KLF8: variants seen among roughly 807,000 people sequenced by gnomAD.
KLF8 encodes KLF transcription factor 8, also known as Krueppel-like factor 8.
A neutral mutation model predicts 18.2 loss-of-function variants in KLF8; 10 were observed. The ratio of observed to expected loss-of-function variants is 0.55; its 90% confidence interval spans 0.34 to 0.93. The LOEUF (loss-of-function observed/expected upper bound fraction) is 0.93. KLF8 is among the 40% of genes least tolerant of loss of function. The pLI is 0.02. For missense variants in KLF8, 264 were observed against 277.9 expected (o/e 0.95, Z 0.36); for synonymous variants, 109 against 97.3 (o/e 1.12, Z -0.71).
At chrX:56,065,919 T>C in the KLF8 span, among the ~76,000 whole-genome samples, 1 of 111,993 alleles carries the variant, frequency 8.9e-6, no homozygotes, top group South Asian at 3.7e-4. Context: ...GTCTTCAGGC[T>C]TCCAATGTGG....
the KLF8 span, among the ~76,000 whole-genome samples, chrX:55,940,649 C>A: frequency 8.9e-6 from 1 of 111,867 alleles, no homozygotes; most frequent in Non-Finnish European, 1.9e-5. Context: ...AGCCCAAAAT[C>A]TCCTTAAGCT....
At chrX:56,179,935 G>A in the KLF8 span, among the ~76,000 whole-genome samples, 1 of 111,236 alleles carries the variant, frequency 9.0e-6, no homozygotes, top group African/African-American at 3.3e-5. Context: ...CCTCAGGGAT[G>A]TTTTTCTAAA....
At chrX:56,165,232 G>A in the KLF8 span, among the ~76,000 whole-genome samples, 4 of 111,380 alleles carry the variant, frequency 3.6e-5, no homozygotes, top group Admixed American at 1.9e-4. Flanking sequence ...CAGTTTAGTA[G>A]GAATAGCATT....
the KLF8 span, among the ~76,000 whole-genome samples, chrX:56,126,122 C>G: frequency 9.0e-6 from 1 of 111,591 alleles, no homozygotes; most frequent in Non-Finnish European, 1.9e-5. Flanking sequence ...CAGTCTTAAC[C>G]TAGCCAAAGC....
At chrX:56,064,194 G>C in the KLF8 span, among the ~76,000 whole-genome samples, 1 of 107,749 alleles carries the variant, frequency 9.3e-6, no homozygotes. Context: ...TCTTGTGTGG[G>C]TCTTCAAAAT....
At chrX:56,139,051 C>A in the KLF8 span, among the ~76,000 whole-genome samples, 1 of 111,070 alleles carries the variant, frequency 9.0e-6, no homozygotes, top group Admixed American at 9.6e-5. Flanking sequence ...AAAATACAAT[C>A]CCATTCATAA....
chrX:56,030,498 T>G, the KLF8 span, among the ~76,000 whole-genome samples: 2 of 111,472 alleles, frequency 1.8e-5, no homozygotes, highest in Non-Finnish European at 1.9e-5. Flanking sequence ...AGATGGAGTA[T>G]TATTTTTCCA....
the KLF8 span, among the ~76,000 whole-genome samples, chrX:56,048,033 T>C: frequency 5.3e-5 from 6 of 112,435 alleles, no homozygotes; most frequent in Admixed American, 5.6e-4. Context: ...ATAAGCATTT[T>C]TTCATGTGTT....
the KLF8 span, among the ~76,000 whole-genome samples, chrX:56,187,642 G>A: frequency 9.0e-6 from 1 of 111,001 alleles, no homozygotes; most frequent in Non-Finnish European, 1.9e-5. Flanking sequence ...CTGGCAAACC[G>A]AGTCCAGCAG....
the KLF8 span, among the ~76,000 whole-genome samples, chrX:56,089,049 C>A: frequency 6.3e-5 from 7 of 111,394 alleles, no homozygotes; most frequent in African/African-American, 2.3e-4. Flanking sequence ...TTTTTCCTCC[C>A]CTCTAGTAAT....
At chrX:56,181,390 A>C in the KLF8 span, among the ~76,000 whole-genome samples, 2 of 111,205 alleles carry the variant, frequency 1.8e-5, no homozygotes, top group Admixed American at 1.9e-4. Context: ...TGAATACAGC[A>C]CACTGATCGG....
chrX:56,233,896 G>A lies in KLF8; in HGVS notation c.7+555G>A, dbSNP rs151186748. Reference sequence around the variant, plus strand: ...TGGGCGTGCCAGCTCTTTAAGGAGGGGCTGAGCTTGGTTGGAGAAGGAAGC... The same window carrying A: ...TGGGCGTGCCAGCTCTTTAAGGAGGAGCTGAGCTTGGTTGGAGAAGGAAGC... On this transcript the variant is annotated intron_variant, in intron 1 of 5. Coordinates refer to ENST00000468660, the MANE Select transcript of KLF8 (RefSeq NM_007250.5). Among the ~76,000 whole-genome samples the A allele has an allele frequency of 1.9e-4, 21 of 111,573 alleles. 1 individual carries two copies. The East Asian group carries it at 5.7e-3, about 30-fold the overall frequency.
rs2067260796 is a variant in KLF8 at position 56,285,699 on chromosome X, T to C, written c.*1205T>C. On this transcript the variant is annotated 3_prime_UTR_variant, in exon 6 of 6. Transcript: ENST00000468660. Reference sequence around the variant, plus strand: ...GCAACTGCTATGAAAACCTAAGCCATTTATTTTAGCTGATAGCAGATTGCA... The same window carrying C: ...GCAACTGCTATGAAAACCTAAGCCACTTATTTTAGCTGATAGCAGATTGCA... 8.9e-6 allele frequency: 1 copy of C among 111,756 alleles called. No homozygotes were observed. The highest frequency in any genetic ancestry group is 1.9e-5 in the Non-Finnish European group (1 of 53,139). 9.2% of individuals were successfully genotyped at this position (111,756 alleles called of 1,213,427 possible).
chrX:55,942,449 C>T, the KLF8 span, among the ~76,000 whole-genome samples: 1 of 110,261 alleles, frequency 9.1e-6, no homozygotes, highest in South Asian at 3.9e-4. Context: ...AGCACACCAA[C>T]ATTGCACATG....
chrX:56,064,976 G>T, the KLF8 span, among the ~76,000 whole-genome samples: 1 of 111,743 alleles, frequency 8.9e-6, no homozygotes, highest in Admixed American at 9.5e-5. Context: ...TCTCATGAAA[G>T]TTCCTTTATA....
the KLF8 span, among the ~76,000 whole-genome samples, chrX:55,985,838 G>A: frequency 1.8e-5 from 2 of 110,404 alleles, no homozygotes; most frequent in Admixed American, 1.9e-4. Context: ...CCTTCAAGAG[G>A]TCCTTCGCTT....
the KLF8 span, among the ~76,000 whole-genome samples, chrX:56,043,170 T>C: frequency 9.0e-6 from 1 of 111,535 alleles, no homozygotes; most frequent in South Asian, 3.8e-4. Context: ...TTGTAGGGTT[T>C]CCACTGTGAG....
the KLF8 span, among the ~76,000 whole-genome samples, chrX:56,178,439 T>A: frequency 2.7e-5 from 3 of 112,261 alleles, no homozygotes; most frequent in Non-Finnish European, 5.6e-5. Context: ...AGGTTGCCTG[T>A]TCACTCTGAT....
At chrX:56,057,095 T>G in the KLF8 span, among the ~76,000 whole-genome samples, 1 of 111,606 alleles carries the variant, frequency 9.0e-6, no homozygotes. Flanking sequence ...CAGTTCGGCT[T>G]GGGGCCAAGG....
Sources: allele counts gnomAD v4.1 joint callset (sites outside exome capture counted in the v4.1 genomes callset), GRCh38; gene constraint gnomAD v4.1.1; transcripts MANE v1.5; gene names NCBI Gene and HGNC (gene_info 2026-07-23, HGNC 2026-07-21).